The following CHD7 variants were observed in gnomAD, a reference collection of about 807,000 sequenced individuals.
CHD7 encodes ATP-dependent chromatin remodeler CHD7.
In CHD7, 24 loss-of-function variants were observed where a neutral mutation model predicts 307.3. The ratio of observed to expected loss-of-function variants is 0.08; its 90% CI spans 0.06 to 0.11. The LOEUF is 0.11. Among genes scored for constraint, CHD7 ranks in the 10% least tolerant of loss-of-function variants. The pLI is 1.00. For synonymous variants in CHD7, 1,363 were observed against 1,349.9 expected, an observed-to-expected ratio of 1.01 and a Z score of -0.21; for missense variants, 3,106 against 3,727.1, an observed-to-expected ratio of 0.83 and a Z score of 4.34.
intron 1 of CHD7, among the ~76,000 whole-genome samples, chr8:60,723,525 T>TAGAC (rs1407806138): frequency 4.6e-5 from 7 of 152,224 alleles, no homozygotes; most frequent in African/African-American, 1.7e-4. Context: ...CATCTCTGTA[T>TAGAC]AGACGGGCTA....
chr8:60,802,672 G>A (rs923899579), intron 6 of CHD7, among the ~76,000 whole-genome samples: 2 of 152,116 alleles, frequency 1.3e-5, no homozygotes, highest in Non-Finnish European at 2.9e-5. Flanking sequence ...TTAGCAAAAT[G>A]TATACAAAGT....
At chr8:60,730,583 G>A (rs1034618672) in intron 1 of CHD7, among the ~76,000 whole-genome samples, 9 of 152,164 alleles carry the variant, frequency 5.9e-5, no homozygotes, top group Non-Finnish European at 1.0e-4. Context: ...AATGGAGGCC[G>A]GGCGTGGTGG....
At chr8:60,688,323 A>G (rs1443157836) in intron 1 of CHD7, among the ~76,000 whole-genome samples, 3 of 152,132 alleles carry the variant, frequency 2.0e-5, no homozygotes, top group Non-Finnish European at 4.4e-5. Context: ...TACTTGGTAT[A>G]GCATATGGCA....
chr8:60,782,850 G>A (rs907290859), intron 3 of CHD7, among the ~76,000 whole-genome samples: 9 of 152,234 alleles, frequency 5.9e-5, no homozygotes, highest in East Asian at 3.9e-4. Context: ...GACTTTATGA[G>A]GTAGTTTAAA....
At chr8:60,685,684 GGAGT>G (rs1409545188) in intron 1 of CHD7, among the ~76,000 whole-genome samples, 1 of 152,176 alleles carries the variant, frequency 6.6e-6, no homozygotes, top group African/African-American at 2.4e-5. Flanking sequence ...GGTTTTTAGT[GGAGT>G]ATGTATAAAC....
intron 1 of CHD7, among the ~76,000 whole-genome samples, chr8:60,726,052 G>A (rs961307381): frequency 4.6e-5 from 7 of 152,152 alleles, no homozygotes; most frequent in African/African-American, 1.2e-4. Context: ...GTTACTTTCC[G>A]ATTACTAATA....
At chr8:60,796,416 G>A (rs1319029313) in intron 4 of CHD7, among the ~76,000 whole-genome samples, 4 of 152,174 alleles carry the variant, frequency 2.6e-5, no homozygotes, top group East Asian at 3.9e-4. Context: ...ATTTTTATCC[G>A]TAAGGGTATT....
At chr8:60,824,390 G>C in intron 13 of CHD7, 1 of 292,236 alleles carries the variant, frequency 3.4e-6, no homozygotes, top group Non-Finnish European at 6.3e-6. Flanking sequence ...GAGCATTTTG[G>C]ATTTTGGATT....
rs1361271759 is a variant in CHD7, at chr8:60,781,347, G to A, written c.2013G>A (p.Pro671=). The change falls in exon 3 of 38, where the codon CCG becomes CCA. Residue 671 remains proline (P), a synonymous_variant. Coordinates refer to ENST00000423902, the MANE Select transcript of CHD7 (RefSeq NM_017780.4). ...EKKEPKEPKT[P]KAPKIPKEPK... ...AAGAGCCCAAGGAACCCAAGACCCC[G>A]AAAGCCCCTAAGATTCCCAAAGAGC... 19 of 1,567,502 alleles carry A rather than the reference G, an allele frequency of 1.2e-5. No homozygotes were observed. In the East Asian group the frequency reaches 2.8e-4, roughly 23 times the overall value.
At chr8:60,680,311 C>T (rs1260602395) in intron 1 of CHD7, among the ~76,000 whole-genome samples, 2 of 141,580 alleles carry the variant, frequency 1.4e-5, no homozygotes, top group African/African-American at 5.2e-5. Context: ...ATTGGGCTCG[C>T]TGGGGGCGCG....
At chr8:60,799,767 G>C (rs1263988856) in intron 4 of CHD7, among the ~76,000 whole-genome samples, 1 of 152,118 alleles carries the variant, frequency 6.6e-6, no homozygotes, top group Non-Finnish European at 1.5e-5. Flanking sequence ...GCCAGCTCCA[G>C]TATTGCTGCC....
chr8:60,748,577 A>G (rs992542023), intron 2 of CHD7, among the ~76,000 whole-genome samples: 4 of 152,222 alleles, frequency 2.6e-5, no homozygotes, highest in African/African-American at 9.6e-5. Flanking sequence ...ACAATCTGCA[A>G]GGAAGGCACA....
At chr8:60,802,729 T>C (rs906016546) in intron 6 of CHD7, among the ~76,000 whole-genome samples, 2 of 152,130 alleles carry the variant, frequency 1.3e-5, no homozygotes, top group Non-Finnish European at 2.9e-5. Context: ...CAGGACTCAG[T>C]GAGAGTCCTA....
intron 13 of CHD7, among the ~76,000 whole-genome samples, chr8:60,826,477 C>G (rs1002772130): frequency 6.6e-6 from 1 of 152,190 alleles, no homozygotes; most frequent in African/African-American, 2.4e-5. Context: ...TTTATTCTTT[C>G]CTAGAATAAG....
chr8:60,738,964 T>G (rs1330539946), intron 1 of CHD7, among the ~76,000 whole-genome samples: 2 of 152,184 alleles, frequency 1.3e-5, no homozygotes, highest in African/African-American at 4.8e-5. Flanking sequence ...TTTTCCCTAC[T>G]CATGCGCATA....
Position 60,741,915 on chromosome 8 carries a change from GCAGCAGCAGCCA to G in CHD7, c.488_499del (p.Gln163_Gln166del). Reference sequence around the variant, plus strand: ...CAGACCAGATACGAGCCCCCTACCAGCAGCAGCAGCCACAGCCGCAGCCACCGCAGCCGGCTC... The same window carrying G: ...CAGACCAGATACGAGCCCCCTACCAGCAGCCGCAGCCACCGCAGCCGGCTC... On this transcript the variant is annotated inframe_deletion, in exon 2 of 38. Transcript: ENST00000423902. The G allele has an allele frequency of 6.2e-7, 1 of 1,612,266 alleles. No individual in the cohort carries two copies. Among genetic ancestry groups the G allele is most frequent in the Non-Finnish European group, 8.5e-7 (1 of 1,179,196 alleles).
At chr8:60,737,859 A>G (rs1808786743) in intron 1 of CHD7, among the ~76,000 whole-genome samples, 1 of 152,208 alleles carries the variant, frequency 6.6e-6, no homozygotes, top group South Asian at 2.1e-4. Context: ...GAGATGCATC[A>G]TTTACAGATA....
At chr8:60,684,400 AT>A (rs1805780429) in intron 1 of CHD7, among the ~76,000 whole-genome samples, 1 of 152,166 alleles carries the variant, frequency 6.6e-6, no homozygotes, top group Non-Finnish European at 1.5e-5. Context: ...GAAAGATGCA[AT>A]GCTATGAATT....
intron 7 of CHD7, among the ~76,000 whole-genome samples, chr8:60,814,450 T>A (rs962782228): frequency 6.6e-6 from 1 of 152,226 alleles, no homozygotes; most frequent in Admixed American, 6.5e-5. Context: ...TCTTTTTGTG[T>A]GTGTGTGGCA....
Sources: allele counts gnomAD v4.1 joint callset (sites outside exome capture counted in the v4.1 genomes callset), GRCh38; gene constraint gnomAD v4.1.1; transcripts MANE v1.5; gene names NCBI Gene and HGNC (gene_info 2026-07-23, HGNC 2026-07-21).